Variants in STOX2 observed in about 807,000 individuals in gnomAD.
STOX2 encodes storkhead box 2.
A neutral mutation model predicts 60.9 loss-of-function variants in STOX2; 28 were observed. The ratio of observed to expected loss-of-function variants is 0.46; its 90% CI spans 0.34 to 0.63. STOX2 has a LOEUF of 0.63. Ranked by LOEUF, STOX2 falls within the 30% of genes least tolerant of loss-of-function variation. The pLI, the probability that STOX2 is intolerant of heterozygous loss-of-function variation, is 0.01. For synonymous variants in STOX2, 472 were observed against 463.9 expected (o/e 1.02, Z -0.22); for missense variants, 1,024 against 1,187.7 (o/e 0.86, Z 2.03).
chr4:183,864,238 G>T (rs1013267384), intron 1 of STOX2, among the ~76,000 whole-genome samples: 1 of 152,104 alleles, frequency 6.6e-6, no homozygotes, highest in Non-Finnish European at 1.5e-5. Flanking sequence ...AGATAAAACA[G>T]TTATTATTTT....
At chr4:184,004,907 G>A (rs76262446) in intron 2 of STOX2, among the ~76,000 whole-genome samples, 1 of 152,328 alleles carries the variant, frequency 6.6e-6, no homozygotes, top group East Asian at 1.9e-4. Context: ...CAGGGACATA[G>A]AGCTAGACCC....
At chr4:183,939,693 A>C (rs1366215382) in intron 1 of STOX2, among the ~76,000 whole-genome samples, 1 of 151,938 alleles carries the variant, frequency 6.6e-6, no homozygotes, top group Non-Finnish European at 1.5e-5. Context: ...AATGAGAGTG[A>C]CACCTTTGGG....
chr4:183,932,786 C>T (rs1742476262), intron 1 of STOX2, among the ~76,000 whole-genome samples: 1 of 152,160 alleles, frequency 6.6e-6, no homozygotes, highest in Non-Finnish European at 1.5e-5. Context: ...CGACTTCCTA[C>T]AACAACGTTG....
chr4:183,962,179 G>A (rs1743432061), intron 1 of STOX2, among the ~76,000 whole-genome samples: 1 of 152,202 alleles, frequency 6.6e-6, no homozygotes, highest in Non-Finnish European at 1.5e-5. Flanking sequence ...TGGATCCTCT[G>A]TAGTGCAGTT....
chr4:183,934,533 C>A (rs1040512661), intron 1 of STOX2, among the ~76,000 whole-genome samples: 6 of 152,108 alleles, frequency 3.9e-5, no homozygotes, highest in Admixed American at 2.0e-4. Flanking sequence ...ATTCTTGTCT[C>A]CTTTACTGAC....
chr4:183,876,457 T>C (rs1740831359), intron 1 of STOX2, among the ~76,000 whole-genome samples: 1 of 152,222 alleles, frequency 6.6e-6, no homozygotes, highest in African/African-American at 2.4e-5. Context: ...ACGGATAGGC[T>C]TCTTGGTATT....
chr4:183,976,278 C>CTCCA, intron 1 of STOX2, among the ~76,000 whole-genome samples: 1 of 152,260 alleles, frequency 6.6e-6, no homozygotes, highest in East Asian at 1.9e-4. Context: ...CGCCACTGCA[C>CTCCA]TCCAGCCTGG....
intron 1 of STOX2, among the ~76,000 whole-genome samples, chr4:183,860,456 A>G (rs978124966): frequency 6.7e-6 from 1 of 149,468 alleles, no homozygotes; most frequent in Non-Finnish European, 1.5e-5. Flanking sequence ...AAAAAAAAAA[A>G]AAGAAGAAAA....
At chr4:183,798,672 AG>A (rs1030069337) in intron 1 of STOX2, 1 of 984,992 alleles carries the variant, frequency 1.0e-6, no homozygotes, top group African/African-American at 1.7e-5. Flanking sequence ...TGTGTGTCTG[AG>A]GGAAGGAAGA....
At chr4:183,974,375 A>G (rs903978659) in intron 1 of STOX2, among the ~76,000 whole-genome samples, 8 of 152,210 alleles carry the variant, frequency 5.3e-5, no homozygotes, top group African/African-American at 1.4e-4. Flanking sequence ...ATTTCAACGT[A>G]TAACTAATTA....
chr4:183,853,445 A>G (rs979552960), intron 1 of STOX2: 1 of 152,238 alleles, frequency 6.6e-6, no homozygotes, highest in Non-Finnish European at 1.5e-5. Context: ...CAACCAGGGA[A>G]GGGACGAAAT....
In STOX2 at chr4:184,005,089, C is replaced by A. The variant is rs1733768592; in HGVS notation, c.319+3612C>A. ...TCTAAAGATGCTCATTAAAGCGTTT[C>A]ACTTGAAAGTGCTTAACATACAGAA... is the stretch of plus-strand genomic sequence containing the variant. On this transcript the variant is annotated intron_variant, in intron 2 of 3. Coordinates refer to ENST00000308497, the MANE Select transcript of STOX2 (RefSeq NM_020225.3). Among the ~76,000 whole-genome samples the A allele has an allele frequency of 7.2e-5, 11 of 152,342 alleles. No homozygotes were observed. In the South Asian group the frequency reaches 2.3e-3, roughly 32 times the overall value.
chr4:183,928,077 G>A (rs1438625888), intron 1 of STOX2, among the ~76,000 whole-genome samples: 1 of 152,224 alleles, frequency 6.6e-6, no homozygotes, highest in Non-Finnish European at 1.5e-5. Flanking sequence ...GATCCCTGGT[G>A]TATTATTTCA....
chr4:183,981,349 T>C (rs1732652310), intron 1 of STOX2, among the ~76,000 whole-genome samples: 1 of 152,056 alleles, frequency 6.6e-6, no homozygotes, highest in South Asian at 2.1e-4. Flanking sequence ...AATCTAATTG[T>C]TTTTCCTCTG....
upstream of STOX2, among the ~76,000 whole-genome samples, chr4:183,903,940 A>G (rs1428201556): frequency 6.6e-6 from 1 of 152,218 alleles, no homozygotes; most frequent in African/African-American, 2.4e-5. Flanking sequence ...ATTGTAATAT[A>G]TAATGAAATA....
intron 1 of STOX2, among the ~76,000 whole-genome samples, chr4:183,951,175 A>C (rs112300826): frequency 3.3e-4 from 49 of 149,818 alleles, no homozygotes; most frequent in Admixed American, 2.2e-3. Context: ...AGATCGCGCC[A>C]CTGCACTCCA....
In STOX2 at chr4:183,836,879, C is replaced by T. The variant is rs1456615117; in HGVS notation, c.364+38824C>T. ...AATTTGACTATACAGGTTTGGTACA[C>T]CTTGGAATGGATTGTCTTTTCTGTC... On this transcript the variant is annotated intron_variant, in intron 1 of 2. Coordinates refer to the STOX2 transcript ENST00000513034. The surrounding 1 kb of genome is among the most constrained non-coding windows in gnomAD (Gnocchi z 4.1). Among the ~76,000 whole-genome samples, 1 of 152,182 alleles carries T rather than the reference C, an allele frequency of 6.6e-6. No homozygotes were observed. The highest frequency in any genetic ancestry group is 6.5e-5 in the Admixed American group (1 of 15,278).
At chr4:183,923,289 T>C (rs1742152762) in intron 1 of STOX2, among the ~76,000 whole-genome samples, 1 of 152,228 alleles carries the variant, frequency 6.6e-6, no homozygotes, top group Non-Finnish European at 1.5e-5. Flanking sequence ...ACAACACTTG[T>C]TATTTTCTGT....
At position 184,019,624 on chromosome 4, in the gene STOX2, A is replaced by G. The variant is rs1026085809; in HGVS notation, c.*2340A>G. On this transcript the variant is annotated 3_prime_UTR_variant, in exon 4 of 4. Coordinates refer to ENST00000308497, the MANE Select transcript of STOX2 (RefSeq NM_020225.3). ...AAGATATAGGTTTACAGAAGACATT[A>G]TTCAAATAAATATGTACACTATTTG... is the stretch of plus-strand genomic sequence containing the variant. 23 of 152,260 alleles carry G rather than the reference A, an allele frequency of 1.5e-4. No homozygotes were observed. Among genetic ancestry groups the G allele is most frequent in the African/African-American group, 5.5e-4 (23 of 41,476 alleles). The allele number at this position is 152,260 out of a possible 1,614,324, so 9.4% of individuals were successfully genotyped here.
Sources: gnomAD v4.1 joint callset for allele counts (sites outside exome capture counted in the v4.1 genomes callset) on GRCh38, gnomAD v4.1.1 for gene constraint, Gnocchi (gnomAD v3.1) non-coding constraint, MANE v1.5 for transcripts, NCBI Gene and HGNC (gene_info 2026-07-23, HGNC 2026-07-21) for gene names.